The following TJP1 variants were observed in gnomAD, a reference collection of about 807,000 sequenced individuals.
TJP1 encodes tight junction protein 1.
In TJP1, 43 loss-of-function variants were observed where a neutral mutation model predicts 194.2. The ratio of observed to expected loss-of-function variants is 0.22; its 90% CI spans 0.17 to 0.29. TJP1 has a LOEUF of 0.29. TJP1 is among the 10% of genes least tolerant of loss of function. TJP1 has a pLI of 1.00. For missense variants in TJP1, 1,971 were observed against 2,185.7 expected (o/e 0.90, Z 1.96); for synonymous variants, 801 against 779.0 (o/e 1.03, Z -0.47).
intron 8 of TJP1, among the ~76,000 whole-genome samples, chr15:29,750,675 T>C (rs1276091432): frequency 1.3e-5 from 2 of 152,152 alleles, no homozygotes; most frequent in Non-Finnish European, 2.9e-5. Flanking sequence ...AAAATAACCT[T>C]AATACAGGAA....
intron 1 of TJP1, among the ~76,000 whole-genome samples, chr15:29,812,671 G>A (rs2049607670): frequency 6.6e-6 from 1 of 152,230 alleles, no homozygotes; most frequent in Non-Finnish European, 1.5e-5. Flanking sequence ...GAACATGTAA[G>A]TAGATGTATG....
rs760840827 is a variant in TJP1, at chr15:29,716,630, A to C, written c.4183T>G (p.Phe1395Val). Reference protein sequence around the residue: ...KPAHSQNQSNFSSYSSKGKPP... With the variant: ...KPAHSQNQSNVSSYSSKGKPP... ...GCTTACTTTGAAGAATAACTAGAAAAATTTGATTGATTCTGAGAATGCGCT... is the reference window on the plus strand; with the variant it reads ...GCTTACTTTGAAGAATAACTAGAAACATTTGATTGATTCTGAGAATGCGCT... Residue 1395 changes from phenylalanine to valine, a missense_variant, in exon 23 of 28, where the codon TTT becomes GTT. Physicochemically the swap from Phe to Val is conservative, Grantham distance 50. Around this residue, in one of 5 missense-constraint regions of TJP1, gnomAD observed 1,108 missense variants for 1,128.5 expected, o/e 0.98. Transcript: ENST00000614355. The C allele has an allele frequency of 1.2e-6, 2 of 1,612,494 alleles. No individual in the cohort carries two copies. The highest frequency in any genetic ancestry group is 2.2e-5 in the South Asian group (2 of 90,946).
Position 29,872,435 on chromosome 15 carries a change from T to C in TJP1, c.307-71733A>G, listed in dbSNP as rs2052558397. On this transcript the variant is annotated intron_variant, in intron 2 of 28. Transcript: ENST00000356107. ...CAAGGATAGTATAACAAAAACATAT[T>C]TCAGATACTGAAGAAAGCTGGTCCT... 2.0e-5 allele frequency among the ~76,000 whole-genome samples: 3 copies of C among 152,160 alleles called. No homozygotes were observed. The South Asian group carries it at 6.2e-4, about 32-fold the overall frequency.
chr15:29,726,679 A>G, intron 17 of TJP1, 102 bp downstream of exon 17: 1 of 1,254,730 alleles, frequency 8.0e-7, no homozygotes, highest in South Asian at 1.4e-5. Flanking sequence ...TTTCCAAGAA[A>G]GTATCATGTA....
intron 1 of TJP1, among the ~76,000 whole-genome samples, chr15:29,959,417 TG>T (rs2056075715): frequency 1.3e-5 from 2 of 152,318 alleles, no homozygotes; most frequent in South Asian, 2.1e-4. Context: ...TGTTTTAATT[TG>T]GTAATTCTCT....
intron 2 of TJP1, among the ~76,000 whole-genome samples, chr15:29,937,969 C>A (rs2054938708): frequency 6.6e-6 from 1 of 152,226 alleles, no homozygotes; most frequent in Non-Finnish European, 1.5e-5. Flanking sequence ...TACTGTATCT[C>A]ACTTAACATA....
At chr15:29,909,832 T>C (rs950497341) in intron 2 of TJP1, among the ~76,000 whole-genome samples, 4 of 152,136 alleles carry the variant, frequency 2.6e-5, no homozygotes, top group African/African-American at 7.2e-5. Context: ...CTCTGAAGAA[T>C]AGGGTAGCTA....
intron 15 of TJP1, among the ~76,000 whole-genome samples, chr15:29,730,122 G>A (rs945194874): frequency 1.3e-5 from 2 of 152,022 alleles, no homozygotes. Context: ...AGAAAAATTG[G>A]ATATAAACTT....
chr15:29,789,348 G>A (rs1435945188), intron 2 of TJP1, among the ~76,000 whole-genome samples: 1 of 152,144 alleles, frequency 6.6e-6, no homozygotes, highest in Non-Finnish European at 1.5e-5. Flanking sequence ...TTATAATGTA[G>A]TAGGAGATGG....
chr15:29,923,004 A>C (rs1188285361), intron 2 of TJP1, among the ~76,000 whole-genome samples: 1 of 152,192 alleles, frequency 6.6e-6, no homozygotes, highest in Non-Finnish European at 1.5e-5. Flanking sequence ...TAACAATAAC[A>C]CTAATGAACA....
chr15:29,808,289 C>G (rs1037890885), intron 1 of TJP1, among the ~76,000 whole-genome samples: 1 of 137,652 alleles, frequency 7.3e-6, no homozygotes, highest in Non-Finnish European at 1.6e-5. Flanking sequence ...AAACAAGAAA[C>G]AGGGAAAAGT....
intron 2 of TJP1, among the ~76,000 whole-genome samples, chr15:29,853,606 T>C (rs1360653228): frequency 6.6e-6 from 1 of 152,234 alleles, no homozygotes; most frequent in African/African-American, 2.4e-5. Context: ...TTTAGGTGGC[T>C]GTATTTTTCC....
intron 5 of TJP1, 98 bp downstream of exon 5, chr15:29,766,168 A>C (rs2046318005): frequency 1.4e-6 from 2 of 1,473,382 alleles, no homozygotes; most frequent in Non-Finnish European, 1.8e-6. Context: ...ACACAAAGAC[A>C]ACAAAGCAAA....
At chr15:29,823,762 T>C (rs543306447), upstream of TJP1, 11 of 152,294 alleles carry the variant, frequency 7.2e-5, no homozygotes, top group African/African-American at 2.6e-4. Flanking sequence ...GTTGTAATTG[T>C]TTTGCTTTTG....
intron 4 of TJP1, among the ~76,000 whole-genome samples, chr15:29,770,539 C>A (rs1342497966): frequency 1.3e-5 from 2 of 151,816 alleles, no homozygotes; most frequent in Admixed American, 1.3e-4. Context: ...CATGGTGAAA[C>A]CCTGTCTCCA....
At chr15:29,895,348 CT>C (rs1012301921) in intron 2 of TJP1, among the ~76,000 whole-genome samples, 4 of 152,232 alleles carry the variant, frequency 2.6e-5, no homozygotes, top group African/African-American at 9.6e-5. Flanking sequence ...ATCTTTGACA[CT>C]TTGCTTAGAA....
At chr15:29,707,075 C>G (rs923176620) in intron 25 of TJP1, among the ~76,000 whole-genome samples, 2 of 152,150 alleles carry the variant, frequency 1.3e-5, no homozygotes, top group Non-Finnish European at 2.9e-5. Context: ...TCAGCATTCC[C>G]TGAGGACCAA....
intron 1 of TJP1, among the ~76,000 whole-genome samples, chr15:29,814,550 T>C (rs938266082): frequency 1.4e-4 from 22 of 152,174 alleles, no homozygotes; most frequent in African/African-American, 5.1e-4. Context: ...ATCTCCAAGA[T>C]AATGACAATT....
At chr15:29,899,319 A>G (rs2053569617) in intron 2 of TJP1, among the ~76,000 whole-genome samples, 1 of 152,116 alleles carries the variant, frequency 6.6e-6, no homozygotes, top group African/African-American at 2.4e-5. Context: ...TATGTTTTCT[A>G]CTTCAATTAT....
Sources: allele counts gnomAD v4.1 joint callset (sites outside exome capture counted in the v4.1 genomes callset), GRCh38; gene constraint gnomAD v4.1.1; regional missense constraint gnomAD v4.1.1; transcripts MANE v1.5; gene names NCBI Gene and HGNC (gene_info 2026-07-23, HGNC 2026-07-21).